ANKS1B: variants seen among roughly 807,000 people sequenced by gnomAD.
ANKS1B encodes ankyrin repeat and sterile alpha motif domain containing 1B, also known as ankyrin repeat and sterile alpha motif domain-containing protein 1B.
Under a neutral mutation model 148.3 loss-of-function variants are expected in ANKS1B, and 36 were observed. That is an observed-to-expected ratio of 0.24 (90% confidence interval 0.19 to 0.32). The LOEUF is 0.32. ANKS1B is among the 10% of genes least tolerant of loss of function. The pLI is 1.00. For synonymous variants in ANKS1B, 542 were observed against 560.8 expected, an observed-to-expected ratio of 0.97 and a Z score of 0.47; for missense variants, 1,157 against 1,542.6, an observed-to-expected ratio of 0.75 and a Z score of 4.19.
chr12:98,783,164 C>T (rs781723597), intron 22 of ANKS1B, among the ~76,000 whole-genome samples: 3 of 152,232 alleles, frequency 2.0e-5, no homozygotes, highest in African/African-American at 7.2e-5. Flanking sequence ...AGCTAATATT[C>T]AGATGAAAAT....
intron 14 of ANKS1B, among the ~76,000 whole-genome samples, chr12:99,175,026 T>G (rs1265196693): frequency 6.6e-6 from 1 of 152,178 alleles, no homozygotes. Flanking sequence ...AAAAATAAAG[T>G]GCTAAAAATC....
chr12:99,647,100 T>C (rs1487563123), intron 9 of ANKS1B, among the ~76,000 whole-genome samples: 2 of 152,162 alleles, frequency 1.3e-5, no homozygotes, highest in African/African-American at 4.8e-5. Flanking sequence ...CTAAGCACTT[T>C]AAACATTTCA....
chr12:98,834,411 C>G (rs982495831), intron 17 of ANKS1B, among the ~76,000 whole-genome samples: 1 of 152,180 alleles, frequency 6.6e-6, no homozygotes, highest in African/African-American at 2.4e-5. Flanking sequence ...TGATTTCTAG[C>G]TAGCCTTTTA....
intron 1 of ANKS1B, among the ~76,000 whole-genome samples, chr12:99,825,685 A>C (rs1156912873): frequency 6.6e-6 from 1 of 152,212 alleles, no homozygotes; most frequent in Non-Finnish European, 1.5e-5. Context: ...TTCTATCGTT[A>C]CTTAAATATT....
intron 17 of ANKS1B, among the ~76,000 whole-genome samples, chr12:98,962,079 A>T (rs1218072311): frequency 6.6e-6 from 1 of 152,014 alleles, no homozygotes; most frequent in Non-Finnish European, 1.5e-5. Flanking sequence ...CTTACTTATC[A>T]GTAATAACAT....
At chr12:98,861,374 G>A (rs1388072567) in intron 17 of ANKS1B, among the ~76,000 whole-genome samples, 1 of 152,172 alleles carries the variant, frequency 6.6e-6, no homozygotes, top group Non-Finnish European at 1.5e-5. Flanking sequence ...AAAAACAAAA[G>A]AAGGAAGGAA....
intron 17 of ANKS1B, among the ~76,000 whole-genome samples, chr12:98,959,137 T>C (rs1308362325): frequency 6.6e-6 from 1 of 152,216 alleles, no homozygotes; most frequent in African/African-American, 2.4e-5. Flanking sequence ...TGTAAATGTT[T>C]TCAGGGTTGC....
rs141900097 is a variant in ANKS1B at position 99,004,373 on chromosome 12, G to C, written c.2778+48784C>G. 2.6e-3 allele frequency among the ~76,000 whole-genome samples: 389 copies of C among 152,164 alleles called. 12 individuals carry two copies. The East Asian group carries it at 0.045, about 18-fold the overall frequency. On this transcript the variant is annotated intron_variant, in intron 17 of 26. Coordinates refer to ENST00000683438, the MANE Select transcript of ANKS1B (RefSeq NM_001352186.2). ...GGATTATACCAATATCGTCCTCATA[G>C]GGTTGTTTGAAAGACTAAATGAGAT...
chr12:99,485,152 T>C (rs117155614), intron 10 of ANKS1B, among the ~76,000 whole-genome samples: 3,929 of 152,134 alleles, frequency 0.026, 60 homozygotes, highest in Non-Finnish European at 0.041. Flanking sequence ...TTGATACATA[T>C]TGGGCTTTTC....
chr12:99,655,156 C>T lies in ANKS1B; in HGVS notation c.1183G>A (p.Asp395Asn), dbSNP rs1268243675. Residue 395 changes from aspartate to asparagine, a missense_variant, in exon 9 of 27, where the codon GAT (aspartate) becomes AAT (asparagine). By Grantham distance (23) the Asp-to-Asn change is conservative. This residue lies in a region of ANKS1B where 661 missense variants were observed against 642.1 expected (regional missense o/e 1.03). Transcript: ENST00000683438. ...SPGEVEEEDDDENTCGPSGLW... is the reference protein window; with the variant it reads ...SPGEVEEEDDNENTCGPSGLW... Reference sequence around the variant, plus strand: ...CCTGATGGCCCACACGTATTTTCATCATCATCCTCTTCTTCCACTTCTCCT... The same window carrying T: ...CCTGATGGCCCACACGTATTTTCATTATCATCCTCTTCTTCCACTTCTCCT... The T allele has an allele frequency of 3.1e-6, 5 of 1,612,682 alleles. No individual in the cohort carries two copies. Among genetic ancestry groups the T allele is most frequent in the Admixed American group, 3.3e-5 (2 of 59,900 alleles).
At chr12:99,150,293 A>G (rs544215244) in intron 15 of ANKS1B, among the ~76,000 whole-genome samples, 5 of 152,206 alleles carry the variant, frequency 3.3e-5, no homozygotes, top group African/African-American at 4.8e-5. Context: ...TGGACTTGAG[A>G]AGCTTTCAGT....
intron 1 of ANKS1B, among the ~76,000 whole-genome samples, chr12:99,905,939 G>A (rs1348773657): frequency 2.0e-5 from 3 of 152,170 alleles, no homozygotes; most frequent in Admixed American, 6.5e-5. Context: ...AACAAGTACC[G>A]TCTAGGTAAC....
chr12:99,574,282 A>G (rs1361228019), intron 9 of ANKS1B, among the ~76,000 whole-genome samples: 1 of 152,074 alleles, frequency 6.6e-6, no homozygotes, highest in Non-Finnish European at 1.5e-5. Context: ...AATCACCTAC[A>G]CGTAAATCTT....
At chr12:99,903,470 G>C (rs992992290) in intron 1 of ANKS1B, among the ~76,000 whole-genome samples, 36 of 152,160 alleles carry the variant, frequency 2.4e-4, no homozygotes, top group Admixed American at 8.5e-4. Context: ...TAATTGGAGG[G>C]AATAAGGCTG....
chr12:99,464,627 G>A (rs890671513), intron 10 of ANKS1B, among the ~76,000 whole-genome samples: 11 of 152,178 alleles, frequency 7.2e-5, no homozygotes, highest in African/African-American at 2.7e-4. Context: ...GCCAAGGCTC[G>A]AGAACTACGT....
chr12:99,705,551 T>C (rs1284124493), intron 8 of ANKS1B, among the ~76,000 whole-genome samples: 2 of 152,136 alleles, frequency 1.3e-5, no homozygotes, highest in African/African-American at 4.8e-5. Flanking sequence ...TGTTTTAATT[T>C]CTCTAGGGAA....
intron 9 of ANKS1B, chr12:99,648,314 A>C (rs2098392073): frequency 6.2e-7 from 1 of 1,614,186 alleles, no homozygotes; most frequent in South Asian, 1.1e-5. Flanking sequence ...CCCATGTTTG[A>C]GAGCGACTTT....
At chr12:99,584,648 C>A (rs1030064592) in intron 9 of ANKS1B, among the ~76,000 whole-genome samples, 1 of 152,006 alleles carries the variant, frequency 6.6e-6, no homozygotes, top group African/African-American at 2.4e-5. Context: ...TTAAGATATA[C>A]CCATTTATAA....
At chr12:98,871,926 T>C (rs2099671326) in intron 17 of ANKS1B, among the ~76,000 whole-genome samples, 2 of 152,202 alleles carry the variant, frequency 1.3e-5, no homozygotes, top group South Asian at 2.1e-4. Context: ...AAGTTTAGTA[T>C]GCAATGAGTG....
Sources: allele counts gnomAD v4.1 joint callset (sites outside exome capture counted in the v4.1 genomes callset), GRCh38; gene constraint gnomAD v4.1.1; regional missense constraint gnomAD v4.1.1; transcripts MANE v1.5; gene names NCBI Gene and HGNC (gene_info 2026-07-23, HGNC 2026-07-21).